Variants in DLC1 observed in about 807,000 individuals in gnomAD.
DLC1 encodes the protein DLC1 Rho GTPase activating protein, also known as rho GTPase-activating protein 7.
Under a neutral mutation model 140.3 loss-of-function variants are expected in DLC1, and 54 were observed. That is an observed-to-expected ratio of 0.38 (90% CI 0.31 to 0.48). DLC1 has a LOEUF of 0.48. Ranked by LOEUF, DLC1 falls within the 20% of genes least tolerant of loss-of-function variation. The pLI, the probability that DLC1 is intolerant of heterozygous loss-of-function variation, is 0.96. For missense variants in DLC1, 2,536 were observed against 1,907.0 expected, an observed-to-expected ratio of 1.33 and a Z score of -6.14; for synonymous variants, 986 against 728.1, an observed-to-expected ratio of 1.35 and a Z score of -5.70.
At chr8:13,504,167 C>T (rs1023825246) in intron 1 of DLC1, among the ~76,000 whole-genome samples, 1 of 141,466 alleles carries the variant, frequency 7.1e-6, no homozygotes, top group Non-Finnish European at 1.5e-5. Flanking sequence ...ACTCTTGTTG[C>T]CCAGGCTGGA....
chr8:13,558,368 T>A (rs538466039), intron 1 of DLC1: 1 of 152,266 alleles, frequency 6.6e-6, no homozygotes, highest in Admixed American at 6.5e-5. Flanking sequence ...ATTTTGTGAC[T>A]GATGGGATGT....
intron 5 of DLC1, among the ~76,000 whole-genome samples, chr8:13,188,777 ATG>A (rs201849073): frequency 0.032 from 3,484 of 107,584 alleles, 74 homozygotes; most frequent in Non-Finnish European, 0.045. Context: ...TGCCCAGCTA[ATG>A]TGTGTGTGTG....
rs543613502 is a variant in DLC1, at chr8:13,383,885, C to T, written c.1314+9668G>A. 2.0e-5 allele frequency among the ~76,000 whole-genome samples: 3 copies of T among 152,316 alleles called. No individual in the cohort carries two copies. In the South Asian group the frequency reaches 6.2e-4, roughly 32 times the overall value. ...GTTTAGAGAACTGCATTCCAGCAGA[C>T]AACTGACTGCAGCCTCACGAAAGAC... On this transcript the variant is annotated intron_variant, in intron 4 of 17. Transcript: ENST00000276297.
intron 2 of DLC1, among the ~76,000 whole-genome samples, chr8:13,427,607 T>G (rs118159281): frequency 0.023 from 3,498 of 152,278 alleles, 58 homozygotes; most frequent in Middle Eastern, 0.041. Context: ...TCATTCTCCA[T>G]GGGATAATTG....
chr8:13,407,611 G>C (rs1472117462), intron 2 of DLC1, among the ~76,000 whole-genome samples: 1 of 152,178 alleles, frequency 6.6e-6, no homozygotes, highest in Non-Finnish European at 1.5e-5. Flanking sequence ...CGATTGGTTT[G>C]GCATATATAG....
chr8:13,541,835 C>A (rs932082418), intron 1 of DLC1, among the ~76,000 whole-genome samples: 7 of 152,210 alleles, frequency 4.6e-5, no homozygotes, highest in African/African-American at 1.7e-4. Context: ...AGGCATGAAC[C>A]ACCTCACCCA....
intron 5 of DLC1, among the ~76,000 whole-genome samples, chr8:13,139,455 A>G (rs1316687306): frequency 6.6e-6 from 1 of 152,098 alleles, no homozygotes; most frequent in Admixed American, 6.5e-5. Context: ...TATTTACTAA[A>G]CCCTAGAAAA....
chr8:13,248,859 T>C (rs536288143), intron 5 of DLC1, among the ~76,000 whole-genome samples: 22 of 152,114 alleles, frequency 1.4e-4, no homozygotes, highest in African/African-American at 5.3e-4. Flanking sequence ...GCAATTCACC[T>C]TTTTTTTCCC....
chr8:13,458,705 C>CT (rs1316761553), intron 2 of DLC1, among the ~76,000 whole-genome samples: 1 of 152,070 alleles, frequency 6.6e-6, no homozygotes, highest in Admixed American at 6.6e-5. Flanking sequence ...GAAATAAGGG[C>CT]TAAATCCATA....
intron 2 of DLC1, among the ~76,000 whole-genome samples, chr8:13,475,253 C>A (rs1300813196): frequency 1.3e-5 from 2 of 151,998 alleles, no homozygotes; most frequent in Admixed American, 6.5e-5. Context: ...GTTAAAACAG[C>A]CTTTAAAAAA....
Position 13,227,765 on chromosome 8 carries a change from C to G in DLC1, c.1348+77504G>C, listed in dbSNP as rs117098466. Among the ~76,000 whole-genome samples, 1,431 of 152,286 alleles carry G rather than the reference C, an allele frequency of 9.4e-3. 10 individuals carry two copies. Among genetic ancestry groups the G allele is most frequent in the South Asian group, 0.034 (165 of 4,822 alleles). On this transcript the variant is annotated intron_variant, in intron 5 of 17. Coordinates refer to ENST00000276297, the MANE Select transcript of DLC1 (RefSeq NM_182643.3). The stretch of plus-strand genomic sequence containing the variant: ...TCATGTAATTATAACCATGGCCAGT[C>G]TATTGTGACATAGACACTTGTTTTA...
intron 5 of DLC1, among the ~76,000 whole-genome samples, chr8:13,191,630 C>G (rs1366437592): frequency 6.6e-6 from 1 of 151,988 alleles, no homozygotes; most frequent in Admixed American, 6.5e-5. Flanking sequence ...CCATATAAGC[C>G]CAGATGATGA....
chr8:13,272,305 A>T (rs1830966498), intron 5 of DLC1, among the ~76,000 whole-genome samples: 1 of 152,054 alleles, frequency 6.6e-6, no homozygotes, highest in Non-Finnish European at 1.5e-5. Context: ...AAAATTAGCC[A>T]GGCGAGGTGG....
intron 1 of DLC1, among the ~76,000 whole-genome samples, chr8:13,581,078 G>C (rs1805078823): frequency 6.6e-6 from 1 of 152,232 alleles, no homozygotes; most frequent in Non-Finnish European, 1.5e-5. Context: ...AATGGAGTCA[G>C]ACTCTATTAC....
At chr8:13,514,529 C>G in intron 1 of DLC1, 73 bp downstream of exon 1, 1 of 398,396 alleles carries the variant, frequency 2.5e-6, no homozygotes, top group Non-Finnish European at 4.4e-6. Context: ...GTGCAAGATG[C>G]TAACATTTAT....
chr8:13,119,662 C>A (rs189161434), intron 5 of DLC1, among the ~76,000 whole-genome samples: 12 of 152,222 alleles, frequency 7.9e-5, no homozygotes, highest in Non-Finnish European at 1.5e-4. Flanking sequence ...TAAAAATGAG[C>A]TTTCTGAGGC....
At chr8:13,246,670 T>C (rs942286877) in intron 5 of DLC1, among the ~76,000 whole-genome samples, 8 of 152,120 alleles carry the variant, frequency 5.3e-5, no homozygotes, top group African/African-American at 1.7e-4. Context: ...TTTTTTTTTT[T>C]CTACGCGACC....
intron 1 of DLC1, among the ~76,000 whole-genome samples, chr8:13,503,443 T>C (rs982178601): frequency 6.6e-6 from 1 of 152,174 alleles, no homozygotes; most frequent in African/African-American, 2.4e-5. Context: ...ATTTAACAAT[T>C]GGAGACATTC....
intron 17 of DLC1, 69 bp downstream of exon 17, chr8:13,086,221 G>A (rs1365994186): frequency 1.3e-6 from 2 of 1,551,248 alleles, no homozygotes; most frequent in East Asian, 2.3e-5. Flanking sequence ...GGCATTCTTT[G>A]CATTAGACAA....
Sources: allele counts gnomAD v4.1 joint callset (sites outside exome capture counted in the v4.1 genomes callset), GRCh38; gene constraint gnomAD v4.1.1; transcripts MANE v1.5; gene names NCBI Gene and HGNC (gene_info 2026-07-23, HGNC 2026-07-21).